Variants in GLIS1 observed in about 807,000 individuals in gnomAD.
GLIS1 encodes GLIS family zinc finger 1.
Under a neutral mutation model 63.8 loss-of-function variants are expected in GLIS1, and 24 were observed. That is an observed-to-expected ratio of 0.38 (90% CI 0.27 to 0.53). The LOEUF (loss-of-function observed/expected upper bound fraction) is 0.53, where lower values mean the gene tolerates loss of function less well. GLIS1 is among the 20% of genes least tolerant of loss of function. The pLI, the probability that GLIS1 is intolerant of heterozygous loss-of-function variation, is 0.85. For missense variants in GLIS1, 1,036 were observed against 1,074.1 expected, an observed-to-expected ratio of 0.96 and a Z score of 0.50; for synonymous variants, 450 against 482.5, an observed-to-expected ratio of 0.93 and a Z score of 0.88.
In GLIS1 at chr1:53,535,230, C is replaced by G. The variant is rs562396142; in HGVS notation, c.1321-5278G>C. On this transcript the variant is annotated intron_variant, in intron 4 of 10. Coordinates refer to ENST00000628545, the MANE Select transcript of GLIS1 (RefSeq NM_001367484.1). The stretch of plus-strand genomic sequence containing the variant: ...TTTGATTCTAAAGACTTCACAGAAG[C>G]CACTCCATGCAAGGACTGATGTGGC... 7.9e-4 allele frequency among the ~76,000 whole-genome samples: 120 copies of G among 152,120 alleles called. 1 individual carries two copies. The highest frequency in any genetic ancestry group is 2.8e-3 in the African/African-American group (116 of 41,406).
chr1:53,722,515 C>G (rs1646765756), intron 2 of GLIS1, among the ~76,000 whole-genome samples: 2 of 152,124 alleles, frequency 1.3e-5, no homozygotes, highest in Admixed American at 1.3e-4. Context: ...TAATGTATCA[C>G]CTATTCAAAA....
chr1:53,508,103 G>T (rs1287209102), intron 10 of GLIS1, among the ~76,000 whole-genome samples: 4 of 152,318 alleles, frequency 2.6e-5, no homozygotes, highest in African/African-American at 7.2e-5. Flanking sequence ...CGTGGGGTGG[G>T]TGACACAATG....
intron 8 of GLIS1, among the ~76,000 whole-genome samples, chr1:53,512,390 G>A (rs563937237): frequency 2.0e-5 from 3 of 152,306 alleles, no homozygotes; most frequent in South Asian, 2.1e-4. Context: ...CCTATTCGGC[G>A]TCTTCTCTGA....
At chr1:53,614,716 G>C (rs1286300218) in intron 2 of GLIS1, among the ~76,000 whole-genome samples, 1 of 152,138 alleles carries the variant, frequency 6.6e-6, no homozygotes, top group Non-Finnish European at 1.5e-5. Flanking sequence ...TAAGGGGACT[G>C]TTCTGTTTCC....
At position 53,712,982 on chromosome 1, in the gene GLIS1, C is replaced by T. The variant is rs538213979; in HGVS notation, c.259+24824G>A. 9.2e-5 allele frequency among the ~76,000 whole-genome samples: 14 copies of T among 152,166 alleles called. 1 individual carries two copies. In the South Asian group the frequency reaches 1.7e-3, roughly 18 times the overall value. On this transcript the variant is annotated intron_variant, in intron 2 of 10. Transcript: ENST00000628545. ...GGTAAAAAGTGAGGCAGAGAGAAAC[C>T]AAGGTAAGATGCAGAGGGAAAAAAG...
chr1:53,518,990 C>T (rs557302734), intron 7 of GLIS1, among the ~76,000 whole-genome samples: 1 of 152,344 alleles, frequency 6.6e-6, no homozygotes, highest in Admixed American at 6.5e-5. Context: ...AGGTACAAGA[C>T]CTTTGCCCTG....
At chr1:53,712,863 G>A (rs373885079) in intron 2 of GLIS1, among the ~76,000 whole-genome samples, 37 of 152,064 alleles carry the variant, frequency 2.4e-4, no homozygotes, top group African/African-American at 3.9e-4. Flanking sequence ...TTAACACAAC[G>A]GCAAACACGG....
chr1:53,551,696 T>G (rs1420884674), intron 4 of GLIS1, among the ~76,000 whole-genome samples: 1 of 151,890 alleles, frequency 6.6e-6, no homozygotes, highest in Non-Finnish European at 1.5e-5. Flanking sequence ...AATTGTGAGC[T>G]CTGTAGTCTA....
chr1:53,579,951 T>C (rs17386087), intron 4 of GLIS1, among the ~76,000 whole-genome samples: 13,791 of 152,266 alleles, frequency 0.091, 769 homozygotes, highest in South Asian at 0.16. Flanking sequence ...AGGTAAGCAA[T>C]TGGACACGGT....
chr1:53,512,868 G>C (rs1185196449), intron 8 of GLIS1, among the ~76,000 whole-genome samples: 2 of 152,130 alleles, frequency 1.3e-5, no homozygotes, highest in East Asian at 3.9e-4. Flanking sequence ...CTGGTTGGTG[G>C]GTGAGCAGGT....
chr1:53,694,895 TGC>T (rs1646448555), intron 2 of GLIS1, among the ~76,000 whole-genome samples: 1 of 152,130 alleles, frequency 6.6e-6, no homozygotes, highest in African/African-American at 2.4e-5. Flanking sequence ...CGATCGTGCC[TGC>T]AAACAGCCAC....
chr1:53,636,048 T>C (rs58993431), intron 2 of GLIS1, among the ~76,000 whole-genome samples: 3,211 of 152,308 alleles, frequency 0.021, 106 homozygotes, highest in African/African-American at 0.072. Context: ...TTATACTCAT[T>C]CTTCCAGAGA....
chr1:53,713,099 G>C (rs546117814), intron 2 of GLIS1, among the ~76,000 whole-genome samples: 1 of 152,310 alleles, frequency 6.6e-6, no homozygotes, highest in South Asian at 2.1e-4. Context: ...AGTATAAACG[G>C]AGACAGAGAC....
chr1:53,677,230 T>C (rs1018509469), intron 2 of GLIS1, among the ~76,000 whole-genome samples: 3 of 151,902 alleles, frequency 2.0e-5, no homozygotes, highest in African/African-American at 7.3e-5. Context: ...TTACGGTTGC[T>C]ACATCCACTT....
At chr1:53,523,424 C>T (rs1001810535) in intron 6 of GLIS1, among the ~76,000 whole-genome samples, 4 of 152,198 alleles carry the variant, frequency 2.6e-5, no homozygotes, top group East Asian at 1.9e-4. Flanking sequence ...CTGCTTCCTC[C>T]AGCCTGCAGG....
At chr1:53,557,079 G>A (rs530105286) in intron 4 of GLIS1, among the ~76,000 whole-genome samples, 3 of 152,102 alleles carry the variant, frequency 2.0e-5, no homozygotes, top group African/African-American at 7.2e-5. Context: ...GTGAGCATAT[G>A]TGTGTGCAGG....
chr1:53,704,119 G>A (rs995413684), intron 2 of GLIS1, among the ~76,000 whole-genome samples: 1 of 152,228 alleles, frequency 6.6e-6, no homozygotes, highest in Non-Finnish European at 1.5e-5. Flanking sequence ...TGGCACTTGT[G>A]CATTTAAGAT....
At chr1:53,625,142 G>C (rs958018117) in intron 2 of GLIS1, among the ~76,000 whole-genome samples, 4 of 152,202 alleles carry the variant, frequency 2.6e-5, no homozygotes, top group Non-Finnish European at 5.9e-5. Flanking sequence ...GGCTTCATTA[G>C]TATTGACCTC....
At chr1:53,710,711 G>T (rs542579321) in intron 2 of GLIS1, among the ~76,000 whole-genome samples, 28 of 152,192 alleles carry the variant, frequency 1.8e-4, no homozygotes, top group African/African-American at 6.3e-4. Flanking sequence ...CAGGCTCCCT[G>T]GCCCCAGGTG....
Sources: allele counts gnomAD v4.1 joint callset (sites outside exome capture counted in the v4.1 genomes callset), GRCh38; gene constraint gnomAD v4.1.1; transcripts MANE v1.5; gene names NCBI Gene and HGNC (gene_info 2026-07-23, HGNC 2026-07-21).